The following ATP8A2 variants were observed in gnomAD, a reference collection of about 807,000 sequenced individuals.
ATP8A2 encodes the protein ATPase phospholipid transporting 8A2.
In ATP8A2, 100 loss-of-function variants were observed where a neutral mutation model predicts 165.6. That is an observed-to-expected ratio of 0.60 (90% CI 0.51 to 0.71). ATP8A2 has a LOEUF of 0.71. ATP8A2 is among the 30% of genes least tolerant of loss of function. ATP8A2 has a pLI of 0.00. For synonymous variants in ATP8A2, 543 were observed against 548.8 expected (o/e 0.99, Z 0.15); for missense variants, 1,227 against 1,479.5 (o/e 0.83, Z 2.80).
chr13:25,612,594 T>G (rs61947471), intron 24 of ATP8A2, among the ~76,000 whole-genome samples: 24,153 of 152,156 alleles, frequency 0.16, 2,382 homozygotes, highest in Non-Finnish European at 0.24. Flanking sequence ...TGCTGATGAA[T>G]AGAATTTATA....
intron 1 of ATP8A2, among the ~76,000 whole-genome samples, chr13:25,403,769 T>A (rs1208203505): frequency 6.6e-6 from 1 of 152,202 alleles, no homozygotes; most frequent in Non-Finnish European, 1.5e-5. Context: ...CCTTGGTCCC[T>A]CATTGCAGCT....
At chr13:25,992,575 A>G (rs558746591) in intron 35 of ATP8A2, among the ~76,000 whole-genome samples, 7 of 151,946 alleles carry the variant, frequency 4.6e-5, no homozygotes, top group East Asian at 3.9e-4. Context: ...CCAAATATCA[A>G]TTTTTCTTTG....
At chr13:25,826,241 T>G (rs1053870983) in intron 27 of ATP8A2, among the ~76,000 whole-genome samples, 1 of 152,118 alleles carries the variant, frequency 6.6e-6, no homozygotes, top group African/African-American at 2.4e-5. Flanking sequence ...TACAATAAAA[T>G]AAAAAGTTTT....
At chr13:25,438,440 T>C (rs1230702443) in intron 1 of ATP8A2, among the ~76,000 whole-genome samples, 1 of 151,936 alleles carries the variant, frequency 6.6e-6, no homozygotes, top group East Asian at 1.9e-4. Context: ...GGCCAGGAGT[T>C]TAGATGAGCC....
At chr13:25,869,018 G>A (rs1303502631) in intron 33 of ATP8A2, among the ~76,000 whole-genome samples, 4 of 140,580 alleles carry the variant, frequency 2.8e-5, no homozygotes, top group African/African-American at 5.4e-5. Context: ...GCAGTGAGCC[G>A]AGATCGCGCC....
chr13:25,657,007 T>C (rs1278507348), intron 24 of ATP8A2, among the ~76,000 whole-genome samples: 1 of 125,134 alleles, frequency 8.0e-6, no homozygotes, highest in East Asian at 2.5e-4. Context: ...GAGCCAAGAT[T>C]GCACCACTGC....
chr13:25,717,668 A>C (rs2043285826), intron 25 of ATP8A2, among the ~76,000 whole-genome samples: 1 of 152,242 alleles, frequency 6.6e-6, no homozygotes, highest in South Asian at 2.1e-4. Flanking sequence ...AGAAATTTTG[A>C]AGGGAAAAAA....
chr13:25,822,960 G>A (rs1334295987), intron 27 of ATP8A2, among the ~76,000 whole-genome samples: 1 of 152,192 alleles, frequency 6.6e-6, no homozygotes. Context: ...TTTATCATGT[G>A]ATAAGGGACA....
chr13:25,653,919 G>T (rs2041870781), intron 24 of ATP8A2, among the ~76,000 whole-genome samples: 1 of 152,138 alleles, frequency 6.6e-6, no homozygotes, highest in Admixed American at 6.5e-5. Flanking sequence ...ATTAGGTGCT[G>T]ACTGGATGCT....
At chr13:25,485,676 A>AC (rs2036330346) in intron 2 of ATP8A2, among the ~76,000 whole-genome samples, 1 of 152,220 alleles carries the variant, frequency 6.6e-6, no homozygotes, top group South Asian at 2.1e-4. Context: ...GTGGCAGTCG[A>AC]CCCATAACAA....
intron 25 of ATP8A2, among the ~76,000 whole-genome samples, chr13:25,759,084 T>G (rs1452140071): frequency 1.3e-5 from 2 of 152,214 alleles, no homozygotes; most frequent in African/African-American, 4.8e-5. Context: ...ACTACCTGCC[T>G]GAGTGTGAAG....
At chr13:25,889,636 C>T (rs1593509996) in intron 33 of ATP8A2, among the ~76,000 whole-genome samples, 1 of 151,812 alleles carries the variant, frequency 6.6e-6, no homozygotes, top group African/African-American at 2.4e-5. Context: ...CACTCCTTGA[C>T]CTTCACGGTG....
chr13:25,717,507 AC>A (rs1260379256), intron 25 of ATP8A2, among the ~76,000 whole-genome samples: 4 of 151,646 alleles, frequency 2.6e-5, no homozygotes, highest in African/African-American at 9.7e-5. Flanking sequence ...CAAGTCACTT[AC>A]CCTAGATCAC....
At chr13:25,412,738 G>A (rs1239672680) in intron 1 of ATP8A2, among the ~76,000 whole-genome samples, 1 of 152,158 alleles carries the variant, frequency 6.6e-6, no homozygotes, top group Non-Finnish European at 1.5e-5. Context: ...AAAGCCAACT[G>A]GTCACCCACC....
At position 25,885,100 on chromosome 13, in the gene ATP8A2, G is replaced by A. The variant is rs1371253246; in HGVS notation, c.3183+22692G>A. Among the ~76,000 whole-genome samples, 7 of 141,978 alleles carry A rather than the reference G, an allele frequency of 4.9e-5. No homozygotes were observed. In the East Asian group the frequency reaches 6.5e-4, roughly 13 times the overall value. The allele number at this position is 141,978 out of a possible 152,430, so 93.1% of individuals were successfully genotyped here. ...GCCTGAGAGTCAGTCTCCTTTCTCCGCTTGCTTTTTTTTTTTTTTTTTTTT... is the reference window on the plus strand; with the variant it reads ...GCCTGAGAGTCAGTCTCCTTTCTCCACTTGCTTTTTTTTTTTTTTTTTTTT... On this transcript the variant is annotated intron_variant, in intron 33 of 36. Coordinates refer to ENST00000381655, the MANE Select transcript of ATP8A2 (RefSeq NM_016529.6).
intron 25 of ATP8A2, among the ~76,000 whole-genome samples, chr13:25,721,527 C>T (rs2043381094): frequency 6.6e-6 from 1 of 152,194 alleles, no homozygotes; most frequent in African/African-American, 2.4e-5. Context: ...GACTTGAATG[C>T]TGAGAGATAG....
intron 35 of ATP8A2, among the ~76,000 whole-genome samples, chr13:25,984,220 G>C (rs1956227486): frequency 6.6e-6 from 1 of 150,614 alleles, no homozygotes. Context: ...CTGGGTGACA[G>C]AGCAAGAAAC....
chr13:25,722,523 C>T (rs144956415), intron 25 of ATP8A2, among the ~76,000 whole-genome samples: 59 of 152,246 alleles, frequency 3.9e-4, no homozygotes, highest in Non-Finnish European at 7.4e-4. Flanking sequence ...TGTTTTGCAT[C>T]CTGTACATGC....
intron 24 of ATP8A2, among the ~76,000 whole-genome samples, chr13:25,671,624 G>A (rs141301420): frequency 0.011 from 1,746 of 152,232 alleles, 31 homozygotes; most frequent in African/African-American, 0.039. Flanking sequence ...CTCCCATAGC[G>A]CTCCCAGGCT....
Sources: gnomAD v4.1 joint callset for allele counts (sites outside exome capture counted in the v4.1 genomes callset) on GRCh38, gnomAD v4.1.1 for gene constraint, MANE v1.5 for transcripts, NCBI Gene and HGNC (gene_info 2026-07-23, HGNC 2026-07-21) for gene names.